The following MEDAG variants were observed in gnomAD, a reference collection of about 807,000 sequenced individuals.
The protein encoded by MEDAG is mesenteric estrogen-dependent adipogenesis protein.
In MEDAG, 25 loss-of-function variants were observed where a neutral mutation model predicts 29.9. That is an observed-to-expected ratio of 0.84 (90% CI 0.61 to 1.17). The LOEUF is 1.17. MEDAG is among the 50% of genes most tolerant of loss of function. The pLI is 0.00. For synonymous variants in MEDAG, 158 were observed against 148.2 expected, an observed-to-expected ratio of 1.07 and a Z score of -0.48; for missense variants, 398 against 372.9, an observed-to-expected ratio of 1.07 and a Z score of -0.56.
intron 2 of MEDAG, among the ~76,000 whole-genome samples, chr13:30,919,404 C>G (rs957211321): frequency 9.9e-6 from 1 of 101,052 alleles, no homozygotes; most frequent in South Asian, 3.5e-4. Context: ...ATGACAGCCT[C>G]TAGAGTTAGG....
At chr13:30,919,231 C>T (rs1421048378) in intron 2 of MEDAG, among the ~76,000 whole-genome samples, 5 of 152,160 alleles carry the variant, frequency 3.3e-5, no homozygotes, top group African/African-American at 1.2e-4. Context: ...TTAAGATGGT[C>T]AATTTTAAAT....
chr13:30,907,259 C>T (rs1276505570), intron 1 of MEDAG, among the ~76,000 whole-genome samples: 1 of 152,232 alleles, frequency 6.6e-6, no homozygotes, highest in Non-Finnish European at 1.5e-5. Flanking sequence ...CAGCCCTCTC[C>T]AGTGAGGAGA....
rs529097113 is a variant in MEDAG at position 30,921,862 on chromosome 13, C to T, written c.787+16C>T. The T allele has an allele frequency of 4.8e-4, 752 of 1,579,322 alleles. 6 individuals carry two copies. In the South Asian group the frequency reaches 6.4e-3, roughly 13 times the overall value. ...ACTTCCAGAGGTATGTTAAAAATTC[C>T]GAAGGATATGTGGAAGGTAGTTAAA... On this transcript the variant is annotated intron_variant, in intron 4 of 4. Transcript: ENST00000380482.
In MEDAG at chr13:30,917,461, A is replaced by C; in HGVS notation, c.337A>C (p.Lys113Gln). ...AGACTACAGGGAAACTATATTGAGC[A>C]AACCAATGTTGTTCTTTATTAATGT... ...YKDYRETILS[K>Q]PMLFFINVQT... The change falls in exon 2 of 5, where the codon AAA becomes CAA. Residue 113 changes from lysine to glutamine, a missense_variant. Physicochemically the swap from Lys to Gln is moderately conservative, Grantham distance 53. Transcript: ENST00000380482. 6.2e-7 allele frequency: 1 copy of C among 1,612,450 alleles called. No homozygotes were observed. The highest frequency in any genetic ancestry group is 8.5e-7 in the Non-Finnish European group (1 of 1,178,412).
chr13:30,907,179 G>T (rs1187434947), intron 1 of MEDAG, among the ~76,000 whole-genome samples: 1 of 152,210 alleles, frequency 6.6e-6, no homozygotes, highest in African/African-American at 2.4e-5. Flanking sequence ...AGCTCTGCAA[G>T]ACTCACATCC....
At chr13:30,911,132 AT>A (rs1216321566) in intron 1 of MEDAG, among the ~76,000 whole-genome samples, 5 of 152,200 alleles carry the variant, frequency 3.3e-5, no homozygotes, top group Non-Finnish European at 7.3e-5. Context: ...TTCCTCAACT[AT>A]AAAGTGGGAA....
intron 1 of MEDAG, among the ~76,000 whole-genome samples, chr13:30,912,832 A>C (rs1952894259): frequency 6.6e-6 from 1 of 152,216 alleles, no homozygotes; most frequent in Non-Finnish European, 1.5e-5. Context: ...TATTTTCCTT[A>C]TTTCCTGGGA....
intron 1 of MEDAG, among the ~76,000 whole-genome samples, chr13:30,912,506 A>AACACACAC (rs67281071): frequency 6.6e-6 from 1 of 150,566 alleles, no homozygotes; most frequent in Non-Finnish European, 1.5e-5. Context: ...TTTTTTAATG[A>AACACACAC]ACACACACAC....
At chr13:30,910,310 A>T (rs1384621517) in intron 1 of MEDAG, among the ~76,000 whole-genome samples, 1 of 152,132 alleles carries the variant, frequency 6.6e-6, no homozygotes, top group Non-Finnish European at 1.5e-5. Flanking sequence ...GTGCTCCCCT[A>T]GCATGAAAGA....
chr13:30,915,210 A>G (rs1952916389), intron 1 of MEDAG, among the ~76,000 whole-genome samples: 1 of 151,924 alleles, frequency 6.6e-6, no homozygotes, highest in Non-Finnish European at 1.5e-5. Flanking sequence ...CCCCCTTCCC[A>G]AGCCACTCTT....
rs951724194 is a variant in MEDAG at position 30,912,632 on chromosome 13, G to A, written c.279-4771G>A. Reference sequence around the variant, plus strand: ...AAATTTGGGGCAGCTTTGAAAGTTGGGTGTCTTAGAGGTGGGCCATCTTTC... The same window carrying A: ...AAATTTGGGGCAGCTTTGAAAGTTGAGTGTCTTAGAGGTGGGCCATCTTTC... On this transcript the variant is annotated intron_variant, in intron 1 of 4. Coordinates refer to ENST00000380482, the MANE Select transcript of MEDAG (RefSeq NM_032849.4). Among the ~76,000 whole-genome samples, 4 of 152,118 alleles carry A rather than the reference G, an allele frequency of 2.6e-5. 1 individual carries two copies. The highest frequency in any genetic ancestry group is 4.1e-4 in the South Asian group (2 of 4,824).
chr13:30,915,672 T>C (rs1329604523), intron 1 of MEDAG, among the ~76,000 whole-genome samples: 1 of 137,076 alleles, frequency 7.3e-6, no homozygotes, highest in Admixed American at 6.8e-5. Context: ...CTCAGTCTCC[T>C]GAGGTTCCCC....
intron 4 of MEDAG, 39 bp from the exon 5 acceptor site, chr13:30,924,269 TCAG>T: frequency 6.4e-7 from 1 of 1,554,782 alleles, no homozygotes; most frequent in Admixed American, 2.0e-5. Context: ...TTTTTTTCTT[TCAG>T]TGATGGTAAT....
At chr13:30,919,877 A>C (rs1952966075) in intron 2 of MEDAG, among the ~76,000 whole-genome samples, 1 of 152,196 alleles carries the variant, frequency 6.6e-6, no homozygotes, top group South Asian at 2.1e-4. Flanking sequence ...AAAAGTTAAG[A>C]GGTTGCTGGT....
chr13:30,918,889 T>A (rs947154754), intron 2 of MEDAG, among the ~76,000 whole-genome samples: 1 of 152,170 alleles, frequency 6.6e-6, no homozygotes, highest in Admixed American at 6.5e-5. Context: ...GTTCTTTGGC[T>A]TGATTATAAC....
In MEDAG at chr13:30,924,508, G is replaced by A. The variant is rs560733135; in HGVS notation, c.*73G>A. Reference sequence around the variant, plus strand: ...AGACTATAGGCTGGGGGGAGGGTAGGAGGTGGGAGGCAGATACTTCCACCT... The same window carrying A: ...AGACTATAGGCTGGGGGGAGGGTAGAAGGTGGGAGGCAGATACTTCCACCT... On this transcript the variant is annotated 3_prime_UTR_variant, in exon 5 of 5. Coordinates refer to ENST00000380482, the MANE Select transcript of MEDAG (RefSeq NM_032849.4). The A allele has an allele frequency of 1.4e-6, 2 of 1,475,932 alleles. No individual in the cohort carries two copies. Among genetic ancestry groups the A allele is most frequent in the South Asian group, 2.7e-5 (2 of 73,568 alleles). 91.4% of individuals were successfully genotyped at this position (1,475,932 alleles called of 1,614,324 possible).
intron 1 of MEDAG, among the ~76,000 whole-genome samples, chr13:30,910,276 A>G (rs1952870195): frequency 6.6e-6 from 1 of 152,128 alleles, no homozygotes; most frequent in Non-Finnish European, 1.5e-5. Flanking sequence ...TTTGGCAAAG[A>G]AGACCTGGAG....
chr13:30,917,641 G>A, intron 2 of MEDAG, 129 bp downstream of exon 2: 1 of 610,688 alleles, frequency 1.6e-6, no homozygotes, highest in Non-Finnish European at 2.9e-6. Context: ...TTCTGGGGAG[G>A]CCTCAGGAAA....
intron 1 of MEDAG, among the ~76,000 whole-genome samples, chr13:30,915,551 C>A (rs567522584): frequency 9.2e-5 from 14 of 152,256 alleles, no homozygotes; most frequent in South Asian, 6.2e-4. Flanking sequence ...CTTTTTCCTG[C>A]CTTCTCCTTT....
Sources: gnomAD v4.1 joint callset for allele counts (sites outside exome capture counted in the v4.1 genomes callset) on GRCh38, gnomAD v4.1.1 for gene constraint, MANE v1.5 for transcripts, NCBI Gene and HGNC (gene_info 2026-07-23, HGNC 2026-07-21) for gene names.